Variants in SMYD4 observed in about 807,000 individuals in gnomAD.
SMYD4 encodes the protein protein-lysine N-methyltransferase SMYD4.
SMYD4 carries 68 observed loss-of-function variants against 72.8 expected under a neutral mutation model. That is an observed-to-expected ratio of 0.93 (90% CI 0.77 to 1.14). The LOEUF is 1.14. SMYD4 is among the 50% of genes most tolerant of loss of function. The pLI, the probability that SMYD4 is intolerant of heterozygous loss-of-function variation, is 0.00. For synonymous variants in SMYD4, 407 were observed against 388.6 expected (o/e 1.05, Z -0.56); for missense variants, 984 against 1,003.7 (o/e 0.98, Z 0.27).
chr17:1,790,925 G>C (rs1908987510), intron 5 of SMYD4, among the ~76,000 whole-genome samples: 1 of 151,340 alleles, frequency 6.6e-6, no homozygotes, highest in African/African-American at 2.4e-5. Context: ...AGGAGATCGA[G>C]ACCTTCCTGG....
rs1037284809 is a variant in SMYD4, at chr17:1,824,259, C to A, written c.134+3602G>T. 2.0e-5 allele frequency among the ~76,000 whole-genome samples: 3 copies of A among 152,300 alleles called. No individual in the cohort carries two copies. In the East Asian group the frequency reaches 5.8e-4, roughly 29 times the overall value. The stretch of plus-strand genomic sequence containing the variant: ...TTGGGAGGCTGAGACAGGAGAATCG[C>A]TTGAACCCACGAGGCACAAGTTGCA... On this transcript the variant is annotated intron_variant, in intron 2 of 10. Coordinates refer to ENST00000305513, the MANE Select transcript of SMYD4 (RefSeq NM_052928.3).
chr17:1,802,133 T>C (rs1229887035), intron 4 of SMYD4, among the ~76,000 whole-genome samples: 3 of 152,116 alleles, frequency 2.0e-5, no homozygotes, highest in African/African-American at 7.2e-5. Context: ...AAATAATATA[T>C]CTAACATGCC....
chr17:1,779,511 A>AAACAG lies in SMYD4; in HGVS notation c.*1774_*1775insCTGTT, dbSNP rs1278952965. ...AAACAAAACAAAACAAAACAAAACA[A>AAACAG]AACCAACAACTCAGAAGGAGGCATA... On this transcript the variant is annotated 3_prime_UTR_variant, in exon 11 of 11. Coordinates refer to ENST00000305513, the MANE Select transcript of SMYD4 (RefSeq NM_052928.3). 2 of 147,612 alleles carry AAACAG rather than the reference A, an allele frequency of 1.4e-5. No individual in the cohort carries two copies. Among genetic ancestry groups the AAACAG allele is most frequent in the African/African-American group, 4.9e-5 (2 of 40,620 alleles). 9.1% of individuals were successfully genotyped at this position (147,612 alleles called of 1,614,324 possible).
At position 1,798,834 on chromosome 17, in the gene SMYD4, G is replaced by A. The variant is rs545789621; in HGVS notation, c.1537+1023C>T. ...GAATCATTTGAACCTGGGAGGTGGA[G>A]GCTACAGTGAGCTGAGATTGCGCCA... On this transcript the variant is annotated intron_variant, in intron 5 of 10. Coordinates refer to ENST00000305513, the MANE Select transcript of SMYD4 (RefSeq NM_052928.3). Among the ~76,000 whole-genome samples the A allele has an allele frequency of 2.6e-5, 4 of 152,056 alleles. No homozygotes were observed. The South Asian group carries it at 8.3e-4, about 32-fold the overall frequency.
chr17:1,811,922 G>A, intron 3 of SMYD4, 49 bp downstream of exon 3: 1 of 1,595,808 alleles, frequency 6.3e-7, no homozygotes, highest in South Asian at 1.1e-5. Context: ...GCAAGATTCT[G>A]TCTCAGAGAA....
intron 8 of SMYD4, 135 bp downstream of exon 8, chr17:1,784,191 T>C (rs1908525664): frequency 3.6e-6 from 5 of 1,387,504 alleles, no homozygotes; most frequent in East Asian, 2.3e-5. Context: ...CTGGCCTATA[T>C]AGCCATCTTG....
chr17:1,828,062 A>G, intron 1 of SMYD4, 56 bp from the exon 2 acceptor site: 1 of 1,560,290 alleles, frequency 6.4e-7, no homozygotes, highest in Non-Finnish European at 8.8e-7. Flanking sequence ...TAGAAAATCA[A>G]GAGTTCAGCC....
At chr17:1,789,425 G>A (rs1908885207) in intron 5 of SMYD4, among the ~76,000 whole-genome samples, 2 of 151,622 alleles carry the variant, frequency 1.3e-5, no homozygotes, top group African/African-American at 4.8e-5. Flanking sequence ...AATAGTCTAG[G>A]TACAAATGTA....
intron 5 of SMYD4, among the ~76,000 whole-genome samples, chr17:1,795,765 T>TTA (rs59609537): frequency 6.7e-6 from 1 of 150,358 alleles, no homozygotes; most frequent in Admixed American, 6.6e-5. Context: ...TTTTTTTTTT[T>TTA]AAGTATTTTC....
intron 3 of SMYD4, among the ~76,000 whole-genome samples, chr17:1,810,459 C>T (rs1390875582): frequency 6.6e-6 from 1 of 152,032 alleles, no homozygotes; most frequent in African/African-American, 2.4e-5. Flanking sequence ...ATCGCTTGAA[C>T]CCGGGAGGCA....
At chr17:1,817,522 A>AT (rs1910673545) in intron 2 of SMYD4, among the ~76,000 whole-genome samples, 2 of 125,340 alleles carry the variant, frequency 1.6e-5, no homozygotes, top group Non-Finnish European at 4.0e-5. Context: ...ATTTGTAGAG[A>AT]CGGGGTCTCA....
intron 1 of SMYD4, among the ~76,000 whole-genome samples, chr17:1,828,785 C>T (rs541146535): frequency 1.1e-3 from 171 of 151,970 alleles, no homozygotes; most frequent in Non-Finnish European, 2.1e-3. Flanking sequence ...TTAGTAGAGA[C>T]GGGGTTTCAC....
rs988297382 is a variant in SMYD4, at chr17:1,801,124, A to G, written c.370-100T>C. ...ATCTACAGGAAAGTTAAGGATTATT[A>G]AAAAATGGAACAATTACAACCACAT... On this transcript the variant is annotated intron_variant, in intron 4 of 10. Transcript: ENST00000305513. The G allele has an allele frequency of 1.4e-5, 16 of 1,120,758 alleles. No homozygotes were observed. The Admixed American group carries it at 2.0e-4, about 14-fold the overall frequency. The allele number at this position is 1,120,758 out of a possible 1,614,324, so 69.4% of individuals were successfully genotyped here.
intron 4 of SMYD4, among the ~76,000 whole-genome samples, chr17:1,801,481 A>C (rs1435769130): frequency 2.0e-5 from 3 of 151,008 alleles, no homozygotes; most frequent in East Asian, 2.0e-4. Flanking sequence ...ACCTCATGAT[A>C]CGCCCGCCTC....
intron 2 of SMYD4, among the ~76,000 whole-genome samples, chr17:1,812,623 G>T (rs902824893): frequency 3.7e-5 from 5 of 134,960 alleles, no homozygotes; most frequent in African/African-American, 5.6e-5. Flanking sequence ...ATCTCGGCTC[G>T]CTGCAACCTC....
intron 5 of SMYD4, among the ~76,000 whole-genome samples, chr17:1,789,882 A>C (rs148648837): frequency 5.2e-4 from 79 of 152,250 alleles, no homozygotes; most frequent in African/African-American, 1.7e-3. Context: ...AAGTAAATAC[A>C]TTTTGCAGGG....
At chr17:1,821,941 A>AG (rs1377476032) in intron 2 of SMYD4, among the ~76,000 whole-genome samples, 2 of 149,902 alleles carry the variant, frequency 1.3e-5, no homozygotes, top group African/African-American at 4.9e-5. Context: ...AAAAAAAAAA[A>AG]AGGTCTGGTG....
intron 7 of SMYD4, among the ~76,000 whole-genome samples, chr17:1,785,779 A>AAAAAAAAAAAAG (rs1231075739): frequency 7.0e-6 from 1 of 142,118 alleles, no homozygotes; most frequent in African/African-American, 2.8e-5. Flanking sequence ...AAAAAAAGAA[A>AAAAAAAAAAAAG]AAAAAAAAAA....
intron 2 of SMYD4, among the ~76,000 whole-genome samples, chr17:1,817,598 G>A (rs12602542): frequency 0.72 from 108,849 of 152,006 alleles, 39,920 homozygotes; most frequent in Non-Finnish European, 0.8. Context: ...CCTCTCAAAA[G>A]AGTGGTGGGA....
Sources: allele counts gnomAD v4.1 joint callset (sites outside exome capture counted in the v4.1 genomes callset), GRCh38; gene constraint gnomAD v4.1.1; transcripts MANE v1.5; gene names NCBI Gene and HGNC (gene_info 2026-07-23, HGNC 2026-07-21).